The following FRMD6 variants were observed in gnomAD, a reference collection of about 807,000 sequenced individuals.
The protein encoded by FRMD6 is FERM domain-containing protein 6.
In FRMD6, 37 loss-of-function variants were observed where a neutral mutation model predicts 73.2. The ratio of observed to expected loss-of-function variants is 0.51; its 90% CI spans 0.39 to 0.66. The LOEUF (loss-of-function observed/expected upper bound fraction) is 0.66, where lower values mean the gene tolerates loss of function less well. Ranked by LOEUF, FRMD6 falls within the 30% of genes least tolerant of loss-of-function variation. The pLI is 0.00. For synonymous variants in FRMD6, 273 were observed against 282.2 expected (o/e 0.97, Z 0.33); for missense variants, 714 against 780.5 (o/e 0.91, Z 1.02).
the FRMD6 span, among the ~76,000 whole-genome samples, chr14:51,412,624 G>C: frequency 6.6e-6 from 1 of 152,050 alleles, no homozygotes; most frequent in African/African-American, 2.4e-5. Context: ...GGCCGAGGCG[G>C]GTGGATCACG....
intron 2 of FRMD6, among the ~76,000 whole-genome samples, chr14:51,612,805 G>A (rs1371501254): frequency 1.3e-5 from 2 of 152,148 alleles, no homozygotes; most frequent in Non-Finnish European, 2.9e-5. Context: ...ACCCCTACCA[G>A]TTCTCAGCAC....
upstream of FRMD6, among the ~76,000 whole-genome samples, chr14:51,486,917 G>A (rs972479945): frequency 1.4e-5 from 2 of 147,724 alleles, no homozygotes; most frequent in African/African-American, 5.0e-5. Flanking sequence ...TTTCAGGATA[G>A]TATATAGGGT....
the FRMD6 span, among the ~76,000 whole-genome samples, chr14:51,426,914 A>G: frequency 6.6e-6 from 1 of 152,184 alleles, no homozygotes; most frequent in Non-Finnish European, 1.5e-5. Context: ...CTTAGAGCTG[A>G]CAGAGCAGAA....
upstream of FRMD6, among the ~76,000 whole-genome samples, chr14:51,488,039 C>T (rs1177764431): frequency 6.6e-6 from 1 of 152,174 alleles, no homozygotes; most frequent in Admixed American, 6.5e-5. Flanking sequence ...ACGAGATCTG[C>T]TTTCTTCTGC....
intron 7 of FRMD6, among the ~76,000 whole-genome samples, chr14:51,709,852 C>G (rs577909177): frequency 6.6e-6 from 1 of 152,128 alleles, no homozygotes; most frequent in African/African-American, 2.4e-5. Context: ...AACCCTATGT[C>G]ACTACTCGCT....
chr14:51,472,304 T>C, the FRMD6 span, among the ~76,000 whole-genome samples: 1 of 151,920 alleles, frequency 6.6e-6, no homozygotes, highest in Admixed American at 6.6e-5. Flanking sequence ...ATTATTATTA[T>C]AATAATAATT....
At chr14:51,684,238 T>G (rs1011661566) in intron 1 of FRMD6, among the ~76,000 whole-genome samples, 30 of 152,204 alleles carry the variant, frequency 2.0e-4, no homozygotes, top group Middle Eastern at 3.4e-3. Context: ...TTTTATATTT[T>G]CAGGTACTGT....
intron 1 of FRMD6, among the ~76,000 whole-genome samples, chr14:51,568,555 T>C (rs1596619626): frequency 6.6e-6 from 1 of 152,254 alleles, no homozygotes; most frequent in Non-Finnish European, 1.5e-5. Flanking sequence ...GTTATCTCTC[T>C]GTGGCCAACA....
chr14:51,440,135 T>C, the FRMD6 span, among the ~76,000 whole-genome samples: 1 of 152,198 alleles, frequency 6.6e-6, no homozygotes, highest in Non-Finnish European at 1.5e-5. Context: ...AGCATGTGGA[T>C]AAAGAGCTAA....
At chr14:51,550,640 G>A (rs1022153943) in intron 1 of FRMD6, among the ~76,000 whole-genome samples, 1 of 151,970 alleles carries the variant, frequency 6.6e-6, no homozygotes, top group Non-Finnish European at 1.5e-5. Context: ...TGGTGCAGAG[G>A]CAGAGGAAGG....
At chr14:51,585,099 G>A (rs1270077739) in intron 2 of FRMD6, among the ~76,000 whole-genome samples, 2 of 152,102 alleles carry the variant, frequency 1.3e-5, no homozygotes, top group African/African-American at 2.4e-5. Context: ...GTTTCAGGGC[G>A]TTCTGTCTCT....
intron 2 of FRMD6, among the ~76,000 whole-genome samples, chr14:51,620,407 G>T (rs556149531): frequency 5.9e-5 from 9 of 152,084 alleles, no homozygotes; most frequent in Admixed American, 5.9e-4. Context: ...CTGATTTGGC[G>T]CATGGTTGGG....
chr14:51,646,189 G>A (rs1451491119), intron 2 of FRMD6, among the ~76,000 whole-genome samples: 1 of 151,570 alleles, frequency 6.6e-6, no homozygotes, highest in South Asian at 2.1e-4. Flanking sequence ...GTGGTGGCAC[G>A]CGCCTGTAGT....
In FRMD6 at chr14:51,557,116, T is replaced by G. The variant is rs573132204; in HGVS notation, c.-209-13232T>G. ...GCCTGGGCAACATAGTGAGACCCTG[T>G]CTGAAAAGAGGAAAAGAAGAAGGAA... is the stretch of plus-strand genomic sequence containing the variant. On this transcript the variant is annotated intron_variant, in intron 1 of 14. Transcript: ENST00000356218. Among the ~76,000 whole-genome samples, 295 of 151,792 alleles carry G rather than the reference T, an allele frequency of 1.9e-3. 1 individual carries two copies. Among genetic ancestry groups the G allele is most frequent in the Non-Finnish European group, 3.2e-3 (220 of 67,940 alleles).
At chr14:51,423,792 C>T in the FRMD6 span, among the ~76,000 whole-genome samples, 1,922 of 152,286 alleles carry the variant, frequency 0.013, 41 homozygotes, top group African/African-American at 0.044. Flanking sequence ...CCCTTTTCAT[C>T]CTTACTCCAC....
At chr14:51,617,044 C>T (rs1890743782) in intron 2 of FRMD6, among the ~76,000 whole-genome samples, 1 of 152,320 alleles carries the variant, frequency 6.6e-6, no homozygotes, top group Non-Finnish European at 1.5e-5. Flanking sequence ...GTTTGTCATA[C>T]AAAGCTTCTA....
chr14:51,556,847 T>TA (rs11451468), intron 1 of FRMD6, among the ~76,000 whole-genome samples: 1 of 151,906 alleles, frequency 6.6e-6, no homozygotes, highest in Admixed American at 6.5e-5. Context: ...AACCAAAACT[T>TA]TATTCAAGTG....
the FRMD6 span, among the ~76,000 whole-genome samples, chr14:51,475,616 C>A: frequency 2.6e-5 from 4 of 152,072 alleles, no homozygotes; most frequent in Admixed American, 6.5e-5. Flanking sequence ...CTCTATTTTC[C>A]CCCTTGGGTT....
the FRMD6 span, among the ~76,000 whole-genome samples, chr14:51,437,275 G>T: frequency 6.6e-6 from 1 of 152,136 alleles, no homozygotes; most frequent in African/African-American, 2.4e-5. Context: ...TGAGAATGAC[G>T]GTTTCCAACT....
Sources: allele counts gnomAD v4.1 joint callset (sites outside exome capture counted in the v4.1 genomes callset), GRCh38; gene constraint gnomAD v4.1.1; transcripts MANE v1.5; gene names NCBI Gene and HGNC (gene_info 2026-07-23, HGNC 2026-07-21).